The following CRB1 variants were observed in gnomAD, a reference collection of about 807,000 sequenced individuals.
The protein encoded by CRB1 is crumbs cell polarity complex component 1.
CRB1 carries 83 observed loss-of-function variants against 120.0 expected under a neutral mutation model. The observed-to-expected ratio is 0.69, with a 90% CI of 0.58 to 0.83. The LOEUF (loss-of-function observed/expected upper bound fraction) is 0.83. Among genes scored for constraint, CRB1 ranks in the 40% least tolerant of loss-of-function variants. The pLI is 0.00. For missense variants in CRB1, 1,699 were observed against 1,687.6 expected (o/e 1.01, Z -0.12); for synonymous variants, 625 against 612.5 (o/e 1.02, Z -0.30).
chr1:197,372,725 C>A (rs1049629807), intron 5 of CRB1, among the ~76,000 whole-genome samples: 8 of 141,838 alleles, frequency 5.6e-5, no homozygotes, highest in East Asian at 2.1e-4. Flanking sequence ...AAAAAAAAAA[C>A]AAATAAAAAA....
chr1:197,325,772 T>C lies in CRB1; in HGVS notation c.71-2650T>C, dbSNP rs182793088. On this transcript the variant is annotated intron_variant, in intron 1 of 11. Coordinates refer to ENST00000367400, the MANE Select transcript of CRB1 (RefSeq NM_201253.3). ...CAATGAATAAATTCCCAAATAACTT[T>C]ATATACATTAGTGAGGATACAATGA... 8.5e-5 allele frequency among the ~76,000 whole-genome samples: 13 copies of C among 152,284 alleles called. No individual in the cohort carries two copies. In the East Asian group the frequency reaches 2.5e-3, roughly 29 times the overall value.
intron 1 of CRB1, among the ~76,000 whole-genome samples, chr1:197,324,931 T>C (rs1010219356): frequency 9.9e-5 from 15 of 152,252 alleles, no homozygotes; most frequent in African/African-American, 2.9e-4. Context: ...AAAGGAAAAA[T>C]GGTCTTAAAG....
Position 197,434,755 on chromosome 1 carries a change from A to G in CRB1, c.2892A>G (p.Arg964=), listed in dbSNP as rs146781806. 10 of 1,613,550 alleles carry G rather than the reference A, an allele frequency of 6.2e-6. No individual in the cohort carries two copies. The Admixed American group carries it at 1.5e-4, about 24-fold the overall frequency. Residue 964 remains arginine, a synonymous_variant, in exon 9 of 12, where the codon AGA becomes AGG. Coordinates refer to ENST00000367400, the MANE Select transcript of CRB1 (RefSeq NM_201253.3). ...GACAAAGCGGTCAAATATTATTCAG[A>G]AGCAATGGGAATATTACCAGAGAAC... ...FNGQSGQILF[R]SNGNITRELT...
At chr1:197,248,938 T>C in the CRB1 span, among the ~76,000 whole-genome samples, 3 of 151,912 alleles carry the variant, frequency 2.0e-5, no homozygotes, top group Admixed American at 1.3e-4. Context: ...TTTCTCAAAA[T>C]TAAAAAGATA....
chr1:197,277,110 A>T (rs1023982630), intron 1 of CRB1, among the ~76,000 whole-genome samples: 11 of 151,924 alleles, frequency 7.2e-5, no homozygotes, highest in African/African-American at 2.7e-4. Flanking sequence ...TTATTTTTTT[A>T]AAAAAAGTTA....
intron 5 of CRB1, among the ~76,000 whole-genome samples, chr1:197,363,191 T>C (rs928902693): frequency 6.6e-5 from 10 of 151,780 alleles, no homozygotes; most frequent in African/African-American, 1.9e-4. Flanking sequence ...GATCAGATGG[T>C]GTTATAATTT....
At chr1:197,247,487 A>T in the CRB1 span, among the ~76,000 whole-genome samples, 1 of 152,054 alleles carries the variant, frequency 6.6e-6, no homozygotes, top group Non-Finnish European at 1.5e-5. Context: ...TTTCAAGGGC[A>T]CTTAGCAGCT....
chr1:197,280,492 G>A (rs982015475), intron 1 of CRB1, among the ~76,000 whole-genome samples: 50 of 151,830 alleles, frequency 3.3e-4, no homozygotes, highest in African/African-American at 1.2e-3. Flanking sequence ...GGAATTTGTT[G>A]TGTGACTGAT....
chr1:197,387,499 T>C (rs1206015029), intron 5 of CRB1, among the ~76,000 whole-genome samples: 1 of 152,086 alleles, frequency 6.6e-6, no homozygotes, highest in Non-Finnish European at 1.5e-5. Flanking sequence ...TGCCGCTCCA[T>C]AGAATTCTCT....
chr1:197,427,992 C>G lies in CRB1; in HGVS notation c.2667C>G (p.Asn889Lys). Residue 889 changes from asparagine (N) to lysine (K), a missense_variant, in exon 7 of 12, where the codon AAC (asparagine) becomes AAG (lysine). Transcript: ENST00000367400. ...TAACCCAAGGCTGTGCTGGAGACAA[C>G]AGCTGCAAGGTAATGATTACTCATA... ...VNVTQGCAGDNSCKSNPCHNG... is the reference protein window; with the variant it reads ...VNVTQGCAGDKSCKSNPCHNG... 6.2e-7 allele frequency: 1 copy of G among 1,613,524 alleles called. No homozygotes were observed. The highest frequency in any genetic ancestry group is 8.5e-7 in the Non-Finnish European group (1 of 1,179,766).
chr1:197,327,050 T>C (rs578083578), intron 1 of CRB1, among the ~76,000 whole-genome samples: 37 of 143,068 alleles, frequency 2.6e-4, no homozygotes, highest in African/African-American at 8.7e-4. Context: ...TTACGATGTG[T>C]CTGCAAAGCA....
At chr1:197,442,458 G>A in intron 11 of CRB1, 166 bp downstream of exon 11, 2 of 1,539,574 alleles carry the variant, frequency 1.3e-6, no homozygotes, top group Non-Finnish European at 1.7e-6. Flanking sequence ...AAAAGCCATT[G>A]AATTTCAAGA....
In CRB1 at chr1:197,435,249, C is replaced by G. The variant is rs763011436; in HGVS notation, c.3386C>G (p.Ser1129Cys). Residue 1129 changes from serine (S) to cysteine (C), a missense_variant, in exon 9 of 12, where the codon TCT becomes TGT. Ser to Cys is a moderately radical substitution (Grantham distance 112, BLOSUM62 -1). Coordinates refer to ENST00000367400, the MANE Select transcript of CRB1 (RefSeq NM_201253.3). The part of the protein sequence containing the change: ...KPQEEQFLKI[S>C]TNSVVTGCLQ... ...CAGGAAGAGCAATTTCTCAAAATCT[C>G]TACCAATTCAGTGGTCACTGGCTGT... 1 of 1,613,766 alleles carries G rather than the reference C, an allele frequency of 6.2e-7. No homozygotes were observed. The highest frequency in any genetic ancestry group is 8.5e-7 in the Non-Finnish European group (1 of 1,179,870).
intron 10 of CRB1, chr1:197,440,413 C>T (rs897439579): frequency 6.6e-6 from 1 of 152,134 alleles, no homozygotes; most frequent in African/African-American, 2.4e-5. Flanking sequence ...GGAGACTTTT[C>T]AACTGGAAAA....
At chr1:197,312,952 T>G (rs796640928) in intron 1 of CRB1, among the ~76,000 whole-genome samples, 20 of 152,312 alleles carry the variant, frequency 1.3e-4, no homozygotes, top group African/African-American at 4.3e-4. Context: ...TTGTTTGTAT[T>G]AGTCCATTCT....
intron 9 of CRB1, among the ~76,000 whole-genome samples, 159 bp downstream of exon 9, chr1:197,435,771 G>A (rs1221845705): frequency 6.6e-6 from 1 of 152,056 alleles, no homozygotes; most frequent in African/African-American, 2.4e-5. Context: ...GTTCAGATGG[G>A]ATCTCACTTA....
rs1659854574 is a variant in CRB1 at position 197,347,642 on chromosome 1, T to C, written c.988+163T>C. 2.0e-5 allele frequency among the ~76,000 whole-genome samples: 3 copies of C among 152,250 alleles called. No individual in the cohort carries two copies. The South Asian group carries it at 6.2e-4, about 31-fold the overall frequency. On this transcript the variant is annotated intron_variant, in intron 4 of 11. Coordinates refer to ENST00000367400, the MANE Select transcript of CRB1 (RefSeq NM_201253.3). ...TTCTTCAGTGCTCACACATATTTAC[T>C]GCTATACTAAATGTTGTCTGAAGTA...
At chr1:197,364,998 C>T (rs1222037516) in intron 5 of CRB1, among the ~76,000 whole-genome samples, 1 of 151,750 alleles carries the variant, frequency 6.6e-6, no homozygotes, top group Non-Finnish European at 1.5e-5. Flanking sequence ...TCCATGTCTT[C>T]TTTGAATTTT....
intron 5 of CRB1, among the ~76,000 whole-genome samples, chr1:197,379,085 T>C (rs985582231): frequency 4.6e-5 from 7 of 152,180 alleles, no homozygotes; most frequent in Non-Finnish European, 1.0e-4. Flanking sequence ...TTAGAGTTGT[T>C]TGTGGATAGG....
Sources: gnomAD v4.1 joint callset for allele counts (sites outside exome capture counted in the v4.1 genomes callset) on GRCh38, gnomAD v4.1.1 for gene constraint, MANE v1.5 for transcripts, NCBI Gene and HGNC (gene_info 2026-07-23, HGNC 2026-07-21) for gene names.